Variants in CEMIP observed in about 807,000 individuals in gnomAD.
CEMIP encodes cell migration inducing hyaluronidase 1, also known as cell migration-inducing and hyaluronan-binding protein.
A neutral mutation model predicts 156.9 loss-of-function variants in CEMIP; 105 were observed. The ratio of observed to expected loss-of-function variants is 0.67; its 90% CI spans 0.57 to 0.79. The LOEUF (loss-of-function observed/expected upper bound fraction) is 0.79, where lower values mean the gene tolerates loss of function less well. Ranked by LOEUF, CEMIP falls within the 30% of genes least tolerant of loss-of-function variation. CEMIP has a pLI of 0.00. For synonymous variants in CEMIP, 676 were observed against 668.4 expected (o/e 1.01, Z -0.17); for missense variants, 1,457 against 1,769.4 (o/e 0.82, Z 3.17).
chr15:80,853,669 G>C (rs1474506780), intron 1 of CEMIP, among the ~76,000 whole-genome samples: 1 of 152,144 alleles, frequency 6.6e-6, no homozygotes, highest in East Asian at 1.9e-4. Context: ...GATTCCAAGG[G>C]CTCTAGAACA....
intron 1 of CEMIP, among the ~76,000 whole-genome samples, chr15:80,782,827 G>A (rs1197608218): frequency 6.6e-6 from 1 of 152,190 alleles, no homozygotes; most frequent in Non-Finnish European, 1.5e-5. Flanking sequence ...AGGAGGACAT[G>A]GGGCCTTGGA....
chr15:80,884,450 C>A, intron 7 of CEMIP, 96 bp downstream of exon 7: 3 of 1,266,044 alleles, frequency 2.4e-6, no homozygotes, highest in Non-Finnish European at 3.5e-6. Flanking sequence ...CTCCCCACAG[C>A]CGTACCATCC....
Position 80,947,076 on chromosome 15 carries a change from G to C in CEMIP, c.3958+11G>C. 2 of 1,583,894 alleles carry C rather than the reference G, an allele frequency of 1.3e-6. No individual in the cohort carries two copies. Among genetic ancestry groups the C allele is most frequent in the Non-Finnish European group, 8.7e-7 (1 of 1,152,832 alleles). On this transcript the variant is annotated intron_variant, in intron 29 of 29. Transcript: ENST00000394685. Reference sequence around the variant, plus strand: ...GTCTCAAGTTGAAAGGTAAGGGTTTGAACTGGGGTTTAAACTGACCCCAAA... The same window carrying C: ...GTCTCAAGTTGAAAGGTAAGGGTTTCAACTGGGGTTTAAACTGACCCCAAA...
chr15:80,879,674 A>G (rs1386526128), intron 4 of CEMIP, 42 bp from the exon 5 acceptor site: 1 of 1,613,550 alleles, frequency 6.2e-7, no homozygotes. Flanking sequence ...CCTTACCCTT[A>G]ACACTGTGTT....
rs562233094 is a variant in CEMIP, at chr15:80,861,438, C to G, written c.-175-12100C>G. Among the ~76,000 whole-genome samples, 18 of 152,334 alleles carry G rather than the reference C, an allele frequency of 1.2e-4. No individual in the cohort carries two copies. The East Asian group carries it at 2.1e-3, about 18-fold the overall frequency. On this transcript the variant is annotated intron_variant, in intron 1 of 29. Coordinates refer to ENST00000394685, the MANE Select transcript of CEMIP (RefSeq NM_001293298.2). ...GCTCATCTTTGCTGATCCTTGGCACCTGCTGTATTCTCCAGGCATCCTCAC... is the reference window on the plus strand; with the variant it reads ...GCTCATCTTTGCTGATCCTTGGCACGTGCTGTATTCTCCAGGCATCCTCAC...
chr15:80,878,827 C>G lies in CEMIP; in HGVS notation c.201C>G (p.Thr67=), dbSNP rs760599000. ...GCCAGGGCAAGACACTGCTGCTCACCTCTTCTGCCACGGTCTATTCCATCC... is the reference window on the plus strand; with the variant it reads ...GCCAGGGCAAGACACTGCTGCTCACGTCTTCTGCCACGGTCTATTCCATCC... ...HIGQGKTLLL[T]SSATVYSIHI... The change falls in exon 4 of 30, where the codon ACC becomes ACG. Residue 67 remains threonine (T), a synonymous_variant. Transcript: ENST00000394685. 1.9e-6 allele frequency: 3 copies of G among 1,614,188 alleles called. No homozygotes were observed. Among genetic ancestry groups the G allele is most frequent in the South Asian group, 2.2e-5 (2 of 91,090 alleles).
Position 80,928,919 on chromosome 15 carries a change from T to C in CEMIP, c.2438T>C (p.Ile813Thr), listed in dbSNP as rs1008508545. Residue 813 changes from isoleucine to threonine, a missense_variant, in exon 20 of 30, where the codon ATT (isoleucine) becomes ACT (threonine). By Grantham distance (89) the Ile-to-Thr change is moderately conservative. Transcript: ENST00000394685. The stretch of plus-strand genomic sequence containing the variant: ...GCCCACAGGTTTGCTGACAATGGCA[T>C]TGGCCTGACCCTGGCCAGGTAAGGG... ...LDSCRFADNGIGLTLASGGTF... is the reference protein window; with the variant it reads ...LDSCRFADNGTGLTLASGGTF... 2 of 1,614,052 alleles carry C rather than the reference T, an allele frequency of 1.2e-6. No homozygotes were observed. Among genetic ancestry groups the C allele is most frequent in the Non-Finnish European group, 1.7e-6 (2 of 1,180,052 alleles).
intron 1 of CEMIP, among the ~76,000 whole-genome samples, chr15:80,829,986 G>GTT (rs1567061282): frequency 3.3e-5 from 4 of 122,322 alleles, no homozygotes; most frequent in African/African-American, 1.2e-4. Flanking sequence ...GTGTGTGTGT[G>GTT]TGTGTGTGTG....
intron 1 of CEMIP, among the ~76,000 whole-genome samples, chr15:80,850,995 C>A (rs1462262447): frequency 6.6e-6 from 1 of 152,206 alleles, no homozygotes; most frequent in Admixed American, 6.5e-5. Context: ...ACTTTCACCA[C>A]AGCAATGAGA....
chr15:80,811,900 C>G (rs56237558), intron 1 of CEMIP, among the ~76,000 whole-genome samples: 3,256 of 152,312 alleles, frequency 0.021, 49 homozygotes, highest in Middle Eastern at 0.027. Flanking sequence ...CTGGCTTTCT[C>G]TGGCATAATT....
At chr15:80,808,357 C>A (rs545511199) in intron 1 of CEMIP, among the ~76,000 whole-genome samples, 8 of 152,328 alleles carry the variant, frequency 5.3e-5, no homozygotes, top group Non-Finnish European at 1.2e-4. Context: ...ATCTGCCCCC[C>A]ACTGCCCCCA....
intron 12 of CEMIP, among the ~76,000 whole-genome samples, chr15:80,903,632 C>A (rs1400556629): frequency 6.6e-6 from 1 of 152,168 alleles, no homozygotes; most frequent in African/African-American, 2.4e-5. Context: ...TGCATGGAGA[C>A]CTCTTTGCCA....
intron 11 of CEMIP, 67 bp from the exon 12 acceptor site, chr15:80,895,802 A>C: frequency 6.7e-7 from 1 of 1,493,038 alleles, no homozygotes; most frequent in Non-Finnish European, 9.3e-7. Context: ...GAAGGGAAAA[A>C]AGAGGTAGCC....
chr15:80,844,629 C>A (rs1382918208), intron 1 of CEMIP, among the ~76,000 whole-genome samples: 1 of 152,222 alleles, frequency 6.6e-6, no homozygotes, highest in Non-Finnish European at 1.5e-5. Flanking sequence ...ACCTGACCAG[C>A]AGCTCCACTG....
intron 1 of CEMIP, among the ~76,000 whole-genome samples, chr15:80,853,203 AC>A (rs1897755184): frequency 6.6e-6 from 1 of 152,186 alleles, no homozygotes; most frequent in Non-Finnish European, 1.5e-5. Context: ...AAGAACTAAG[AC>A]TTTTGGTTGC....
intron 12 of CEMIP, among the ~76,000 whole-genome samples, chr15:80,900,585 G>GGGGTGTGTGT (rs1218716074): frequency 1.7e-4 from 13 of 74,974 alleles, no homozygotes; most frequent in East Asian, 5.4e-4. Context: ...CCCAGGTAGG[G>GGGGTGTGTGT]GTGTGTGTGT....
rs754686368 is a variant in CEMIP at position 80,884,373 on chromosome 15, G to C, written c.797+19G>C. 3 of 1,613,284 alleles carry C rather than the reference G, an allele frequency of 1.9e-6. No individual in the cohort carries two copies. Among genetic ancestry groups the C allele is most frequent in the Non-Finnish European group, 2.5e-6 (3 of 1,179,574 alleles). On this transcript the variant is annotated intron_variant, in intron 7 of 29. Transcript: ENST00000394685. ...GATTTAGGTACTGCCCCTCACTTCG[G>C]CTTCCACTGGGCTCTGGAACATTGA...
chr15:80,814,727 C>G (rs925396463), intron 1 of CEMIP, among the ~76,000 whole-genome samples: 1 of 152,210 alleles, frequency 6.6e-6, no homozygotes, highest in African/African-American at 2.4e-5. Context: ...GGGCAACACA[C>G]AGACCTGGAG....
Position 80,929,395 on chromosome 15 carries a change from G to A in CEMIP, c.2612+221G>A, listed in dbSNP as rs146234150. ...GTTGAATATGAGTCAACAGGGTGACGTGGCCATCAAAATGCGTAATGCATT... is the reference window on the plus strand; with the variant it reads ...GTTGAATATGAGTCAACAGGGTGACATGGCCATCAAAATGCGTAATGCATT... On this transcript the variant is annotated intron_variant, in intron 21 of 29. Transcript: ENST00000394685. Among the ~76,000 whole-genome samples the A allele has an allele frequency of 1.1e-4, 17 of 152,344 alleles. No individual in the cohort carries two copies. The East Asian group carries it at 2.5e-3, about 22-fold the overall frequency.
Sources: gnomAD v4.1 joint callset for allele counts (sites outside exome capture counted in the v4.1 genomes callset) on GRCh38, gnomAD v4.1.1 for gene constraint, MANE v1.5 for transcripts, NCBI Gene and HGNC (gene_info 2026-07-23, HGNC 2026-07-21) for gene names.